Variants in ZNF184 observed in about 807,000 individuals in gnomAD.
The protein encoded by ZNF184 is zinc finger protein 184.
In ZNF184, 16 loss-of-function variants were observed where a neutral mutation model predicts 54.4. The ratio of observed to expected loss-of-function variants is 0.29; its 90% CI spans 0.20 to 0.45. The LOEUF is 0.45. Among genes scored for constraint, ZNF184 ranks in the 20% least tolerant of loss-of-function variants. ZNF184 has a pLI of 1.00. For missense variants in ZNF184, 681 were observed against 888.2 expected (o/e 0.77, Z 2.97); for synonymous variants, 254 against 295.3 (o/e 0.86, Z 1.43).
the ZNF184 span, among the ~76,000 whole-genome samples, chr6:27,413,859 C>T: frequency 2.2e-3 from 335 of 152,322 alleles, 2 homozygotes; most frequent in African/African-American, 7.6e-3. Flanking sequence ...CTGGACCTTT[C>T]TTCCATTTGA....
chr6:27,463,522 C>T (rs1301045823), intron 3 of ZNF184, among the ~76,000 whole-genome samples: 2 of 151,890 alleles, frequency 1.3e-5, no homozygotes, highest in Non-Finnish European at 2.9e-5. Context: ...GATTGGAGTA[C>T]TGGGGCAGGA....
chr6:27,472,281 C>A lies in ZNF184; in HGVS notation c.7+7G>T. ...CACCCCGCTCTCCCCCAAGTCGACC[C>A]CACTACCTTCCATCTCAGGAGCTCA... On this transcript the variant is annotated splice_region_variant and intron_variant, in intron 2 of 5. Transcript: ENST00000683788. This position sits in a 1 kb window ranked among gnomAD's most constrained non-coding sequence, Gnocchi z 4.8. The A allele has an allele frequency of 6.2e-7, 1 of 1,614,074 alleles. No individual in the cohort carries two copies. Among genetic ancestry groups the A allele is most frequent in the African/African-American group, 1.3e-5 (1 of 75,044 alleles).
chr6:27,407,585 A>T, the ZNF184 span: 16 of 511,146 alleles, frequency 3.1e-5, 1 homozygote, highest in South Asian at 3.2e-4. Context: ...ATAGTGGCTC[A>T]GAGCCAAGTA....
the ZNF184 span, among the ~76,000 whole-genome samples, chr6:27,417,702 A>C: frequency 6.4e-3 from 969 of 152,318 alleles, 12 homozygotes; most frequent in African/African-American, 0.021. Context: ...CTGAGAGTCT[A>C]AGCAGGACAA....
the ZNF184 span, among the ~76,000 whole-genome samples, chr6:27,442,675 G>GAGAA: frequency 1.5e-5 from 2 of 132,176 alleles, no homozygotes; most frequent in Admixed American, 8.2e-5. Context: ...AAGAAAGAGA[G>GAGAA]AGAAAGAAAG....
chr6:27,408,076 C>T, the ZNF184 span: 3 of 798,524 alleles, frequency 3.8e-6, no homozygotes, highest in Admixed American at 1.7e-5. Flanking sequence ...TGCAAATTAA[C>T]TCATTTCTAA....
At position 27,452,442 on chromosome 6, in the gene ZNF184, T is replaced by C; in HGVS notation, c.1117A>G (p.Arg373Gly). The C allele has an allele frequency of 6.2e-7, 1 of 1,614,108 alleles. No individual in the cohort carries two copies. Among genetic ancestry groups the C allele is most frequent in the Non-Finnish European group, 8.5e-7 (1 of 1,180,004 alleles). The change falls in exon 6 of 6, where the codon AGG (arginine) becomes GGG (glycine). Residue 373 changes from arginine to glycine, a missense_variant. Physicochemically the swap from Arg to Gly is moderately radical, Grantham distance 125. Transcript: ENST00000683788. The surrounding 1 kb of genome is among the most constrained non-coding windows in gnomAD (Gnocchi z 5.5). ...TGATGTTGAGTAAGGTGTGTGCTCC[T>C]GGTGAAGGTTTTATCACATTCATCA... is the stretch of plus-strand genomic sequence containing the variant. Reference protein sequence around the residue: ...KCDECDKTFTRSTHLTQHQKI... With the variant: ...KCDECDKTFTGSTHLTQHQKI...
At chr6:27,470,939 CTT>C (rs1224486892) in intron 2 of ZNF184, among the ~76,000 whole-genome samples, 2 of 152,096 alleles carry the variant, frequency 1.3e-5, no homozygotes, top group South Asian at 4.1e-4. Flanking sequence ...GTAAAAAAGA[CTT>C]GAAGTACAAA....
At chr6:27,447,930 T>C (rs1349988438), downstream of ZNF184, among the ~76,000 whole-genome samples, 1 of 152,160 alleles carries the variant, frequency 6.6e-6, no homozygotes, top group African/African-American at 2.4e-5. Context: ...TTGTTGGAAT[T>C]AATACTCAGG....
At chr6:27,464,419 A>T (rs954884847) in intron 3 of ZNF184, among the ~76,000 whole-genome samples, 1 of 152,200 alleles carries the variant, frequency 6.6e-6, no homozygotes, top group Non-Finnish European at 1.5e-5. Context: ...TATCACTTGA[A>T]AGTAAATGGT....
At position 27,452,374 on chromosome 6, in the gene ZNF184, A is replaced by G. The variant is rs1402438745; in HGVS notation, c.1185T>C (p.Cys395=). 1.9e-6 allele frequency: 3 copies of G among 1,613,978 alleles called. No homozygotes were observed. Among genetic ancestry groups the G allele is most frequent in the Non-Finnish European group, 2.5e-6 (3 of 1,180,020 alleles). The change falls in exon 6 of 6, where the codon TGT becomes TGC. Residue 395 remains cysteine, a synonymous_variant. Coordinates refer to ENST00000683788, the MANE Select transcript of ZNF184 (RefSeq NM_001318891.2). The surrounding 1 kb of genome is among the most constrained non-coding windows in gnomAD (Gnocchi z 5.5). ...TTGAGGGCCCGTTGAAGGCCTTTCC[A>G]CATTCATTACATTTATAGGTTTTTT... is the stretch of plus-strand genomic sequence containing the variant. ...TGEKTYKCNE[C]GKAFNGPSTF... is the part of the protein sequence containing the mutation.
At position 27,451,945 on chromosome 6, in the gene ZNF184, A is replaced by C. The variant is rs1305210222; in HGVS notation, c.1614T>G (p.Ala538=). The stretch of plus-strand genomic sequence containing the variant: ...TAGCAAGAGATGAACTCCGAATAAA[A>C]GCTTTCCCACATTCTTTACATTCAT... The part of the protein sequence containing the change: ...KAYECKECGK[A]FIRSSSLAKH... Residue 538 remains alanine (A), a synonymous_variant, in exon 6 of 6, where the codon GCT becomes GCG. Transcript: ENST00000683788. 2 of 1,613,144 alleles carry C rather than the reference A, an allele frequency of 1.2e-6. No homozygotes were observed. Among genetic ancestry groups the C allele is most frequent in the Non-Finnish European group, 1.7e-6 (2 of 1,179,986 alleles).
At chr6:27,438,193 C>T in the ZNF184 span, among the ~76,000 whole-genome samples, 1 of 152,102 alleles carries the variant, frequency 6.6e-6, no homozygotes, top group South Asian at 2.1e-4. Flanking sequence ...AAGTACATCA[C>T]TTTGTTTACA....
At chr6:27,424,065 G>T in the ZNF184 span, among the ~76,000 whole-genome samples, 5 of 152,242 alleles carry the variant, frequency 3.3e-5, no homozygotes, top group African/African-American at 1.2e-4. Context: ...AAAGTGGCAC[G>T]CCTGGAGTTT....
the ZNF184 span, among the ~76,000 whole-genome samples, chr6:27,442,640 GAAGCAAGCAAGAAAGA>G: frequency 3.4e-5 from 5 of 146,106 alleles, 1 homozygote; most frequent in African/African-American, 5.0e-5. Context: ...AGTACACTAG[GAAGCAAGCAAGAAAGA>G]AAGCAAGCAA....
chr6:27,446,343 A>G (rs1264267826), downstream of ZNF184, among the ~76,000 whole-genome samples: 1 of 152,166 alleles, frequency 6.6e-6, no homozygotes, highest in African/African-American at 2.4e-5. Flanking sequence ...CCAGAGCAGC[A>G]CTCTGTGGCC....
the ZNF184 span, among the ~76,000 whole-genome samples, chr6:27,442,880 A>AAGAAAGAAAGAAAAGAAAG: frequency 2.3e-5 from 2 of 86,174 alleles, no homozygotes; most frequent in Non-Finnish European, 4.9e-5. Flanking sequence ...GAAAGAAAGA[A>AAGAAAGAAAGAAAAGAAAG]AAAGAAAAAA....
intron 3 of ZNF184, among the ~76,000 whole-genome samples, chr6:27,466,141 GGAGAGA>G (rs58110037): frequency 7.4e-5 from 11 of 148,866 alleles, no homozygotes; most frequent in South Asian, 2.1e-4. Flanking sequence ...AGAGTCAGAG[GGAGAGA>G]GAGAGAGAGA....
chr6:27,449,675 G>A (rs1762677273), downstream of ZNF184, among the ~76,000 whole-genome samples: 1 of 152,000 alleles, frequency 6.6e-6, no homozygotes, highest in South Asian at 2.1e-4. Context: ...CATCCTTTAA[G>A]CCCAGTTTGA....
Sources: gnomAD v4.1 joint callset for allele counts (sites outside exome capture counted in the v4.1 genomes callset) on GRCh38, gnomAD v4.1.1 for gene constraint, Gnocchi (gnomAD v3.1) non-coding constraint, MANE v1.5 for transcripts, NCBI Gene and HGNC (gene_info 2026-07-23, HGNC 2026-07-21) for gene names.